Variants in SESTD1 observed in about 807,000 individuals in gnomAD.
The protein encoded by SESTD1 is SEC14 and spectrin domain containing 1.
Under a neutral mutation model 101.7 loss-of-function variants are expected in SESTD1, and 43 were observed. The ratio of observed to expected loss-of-function variants is 0.42; its 90% CI spans 0.33 to 0.55. SESTD1 has a LOEUF of 0.55. Among genes scored for constraint, SESTD1 ranks in the 20% least tolerant of loss-of-function variants. The pLI is 0.07. For missense variants in SESTD1, 647 were observed against 815.1 expected, an observed-to-expected ratio of 0.79 and a Z score of 2.51; for synonymous variants, 283 against 286.8, an observed-to-expected ratio of 0.99 and a Z score of 0.13.
intron 2 of SESTD1, among the ~76,000 whole-genome samples, chr2:179,184,077 G>C (rs2046167273): frequency 3.9e-5 from 6 of 152,104 alleles, no homozygotes; most frequent in Admixed American, 3.9e-4. Context: ...ATGGGAACTG[G>C]ATATTGAAGT....
Position 179,102,281 on chromosome 2 carries a change from C to T in SESTD1, c.*7618G>A, listed in dbSNP as rs1041953546. On this transcript the variant is annotated 3_prime_UTR_variant, in exon 18 of 18. Transcript: ENST00000428443. ...AGACTCCAGGTTATTTCAGAATATA[C>T]AAGTTACATTTTTGATTTAATGAAA... 6.6e-6 allele frequency: 1 copy of T among 152,070 alleles called. No individual in the cohort carries two copies. Among genetic ancestry groups the T allele is most frequent in the Non-Finnish European group, 1.5e-5 (1 of 67,994 alleles). The allele number at this position is 152,070 out of a possible 1,614,324, so 9.4% of individuals were successfully genotyped here.
chr2:179,124,918 C>T (rs191205047), intron 10 of SESTD1, among the ~76,000 whole-genome samples: 5 of 152,192 alleles, frequency 3.3e-5, no homozygotes, highest in Non-Finnish European at 5.9e-5. Context: ...TTCAAAAAAC[C>T]GTATCCCCTT....
chr2:179,197,470 T>C (rs1185980013), intron 1 of SESTD1, among the ~76,000 whole-genome samples: 2 of 152,032 alleles, frequency 1.3e-5, no homozygotes, highest in Non-Finnish European at 2.9e-5. Flanking sequence ...ACCACAAAGA[T>C]ACTCTTCGAG....
intron 1 of SESTD1, among the ~76,000 whole-genome samples, chr2:179,198,074 G>C (rs1406137429): frequency 6.6e-6 from 1 of 152,098 alleles, no homozygotes; most frequent in African/African-American, 2.4e-5. Flanking sequence ...CACCTCACAT[G>C]CAGAGACACA....
intron 1 of SESTD1, among the ~76,000 whole-genome samples, chr2:179,252,230 A>G (rs1460236542): frequency 6.6e-6 from 1 of 152,186 alleles, no homozygotes; most frequent in Non-Finnish European, 1.5e-5. Flanking sequence ...TAATGCATCC[A>G]CTCACTCTAT....
chr2:179,166,748 A>G (rs917587690), intron 5 of SESTD1, among the ~76,000 whole-genome samples: 2 of 152,220 alleles, frequency 1.3e-5, no homozygotes, highest in Non-Finnish European at 2.9e-5. Flanking sequence ...CAAATAATGA[A>G]AAAGCAAAAT....
intron 2 of SESTD1, among the ~76,000 whole-genome samples, chr2:179,186,302 C>T (rs1200343690): frequency 6.6e-6 from 1 of 151,972 alleles, no homozygotes; most frequent in East Asian, 1.9e-4. Context: ...ATCACTACAC[C>T]CAATGTACCA....
chr2:179,109,965 C>A lies in SESTD1; in HGVS notation c.2025G>T (p.Arg675Ser). 1 of 1,613,888 alleles carries A rather than the reference C, an allele frequency of 6.2e-7. No homozygotes were observed. Among genetic ancestry groups the A allele is most frequent in the Non-Finnish European group, 8.5e-7 (1 of 1,179,906 alleles). The change falls in exon 18 of 18, where the codon AGG becomes AGT. Residue 675 changes from arginine (R) to serine (S), a missense_variant. Physicochemically the swap from Arg to Ser is moderately radical, Grantham distance 110. Transcript: ENST00000428443. ...GCCTTTTGAGATTAACTAGTTTCAT[C>A]CTGTCTCTGATGTTTTCTGCAGTAG... ...MASTAENIRD[R>S]MKLVNLKRQQ...
At chr2:179,150,355 A>G (rs981059143) in intron 6 of SESTD1, among the ~76,000 whole-genome samples, 3 of 152,186 alleles carry the variant, frequency 2.0e-5, no homozygotes, top group Non-Finnish European at 4.4e-5. Flanking sequence ...TCAATAAAAA[A>G]AAAAAATCAA....
chr2:179,151,500 G>A (rs1020446519), intron 5 of SESTD1, 109 bp from the exon 6 acceptor site: 2 of 582,986 alleles, frequency 3.4e-6, no homozygotes, highest in Non-Finnish European at 5.7e-6. Context: ...TTTCCAACAT[G>A]ATGACACATT....
At chr2:179,233,387 A>G (rs1165476939) in intron 1 of SESTD1, among the ~76,000 whole-genome samples, 4 of 152,188 alleles carry the variant, frequency 2.6e-5, no homozygotes, top group Admixed American at 6.5e-5. Context: ...GAAAGTGCAG[A>G]AGGAGGCTAG....
Position 179,106,482 on chromosome 2 carries a change from A to G in SESTD1, c.*3417T>C, listed in dbSNP as rs1004756960. 6.6e-6 allele frequency: 1 copy of G among 152,178 alleles called. No individual in the cohort carries two copies. Among genetic ancestry groups the G allele is most frequent in the Non-Finnish European group, 1.5e-5 (1 of 68,034 alleles). The allele number at this position is 152,178 out of a possible 1,614,324, so 9.4% of individuals were successfully genotyped here. ...CTAACTTCATAATCACATCATTGGT[A>G]ACAATGGGTTTAGATCAGAGTATGG... On this transcript the variant is annotated 3_prime_UTR_variant, in exon 18 of 18. Coordinates refer to ENST00000428443, the MANE Select transcript of SESTD1 (RefSeq NM_178123.5).
At chr2:179,224,404 A>T (rs2046854215) in intron 1 of SESTD1, among the ~76,000 whole-genome samples, 1 of 152,212 alleles carries the variant, frequency 6.6e-6, no homozygotes, top group Non-Finnish European at 1.5e-5. Context: ...CCTAAGGCTA[A>T]GTCCAAGGAT....
intron 1 of SESTD1, among the ~76,000 whole-genome samples, chr2:179,198,133 A>C (rs2046434893): frequency 6.6e-6 from 1 of 152,176 alleles, no homozygotes; most frequent in Non-Finnish European, 1.5e-5. Flanking sequence ...AGCAAATGGA[A>C]AACAAAGAAA....
At chr2:179,116,452 AG>A (rs2044635176) in intron 15 of SESTD1, 1 of 627,656 alleles carries the variant, frequency 1.6e-6, no homozygotes, top group African/African-American at 1.8e-5. Context: ...CATAAATCAG[AG>A]GGACCATGCA....
rs142017816 is a variant in SESTD1 at position 179,262,352 on chromosome 2, T to C, written c.-26+2147A>G. 3.0e-3 allele frequency among the ~76,000 whole-genome samples: 456 copies of C among 152,336 alleles called. 5 individuals carry two copies. The highest frequency in any genetic ancestry group is 0.011 in the African/African-American group (439 of 41,592). On this transcript the variant is annotated intron_variant, in intron 1 of 17. Transcript: ENST00000428443. ...TTAAAAAAGTGAATTCTATGGCATA[T>C]GAATTATATCTCAAAGAAAACTATT...
chr2:179,170,658 C>T (rs2045915951), intron 5 of SESTD1, among the ~76,000 whole-genome samples: 2 of 152,106 alleles, frequency 1.3e-5, no homozygotes, highest in African/African-American at 2.4e-5. Context: ...CTGTGGGCCT[C>T]TAAACAGATT....
chr2:179,197,144 G>A (rs181322873), intron 1 of SESTD1, among the ~76,000 whole-genome samples: 311 of 152,116 alleles, frequency 2.0e-3, no homozygotes, highest in South Asian at 0.015. Flanking sequence ...ACCAAGGCTC[G>A]AGAACTACGT....
intron 5 of SESTD1, among the ~76,000 whole-genome samples, chr2:179,171,082 G>A (rs1183944953): frequency 6.6e-6 from 1 of 152,184 alleles, no homozygotes; most frequent in East Asian, 1.9e-4. Flanking sequence ...TAGAAATGGA[G>A]AAGTTAACTA....
Sources: gnomAD v4.1 joint callset for allele counts (sites outside exome capture counted in the v4.1 genomes callset) on GRCh38, gnomAD v4.1.1 for gene constraint, MANE v1.5 for transcripts, NCBI Gene and HGNC (gene_info 2026-07-23, HGNC 2026-07-21) for gene names.